RPS6KA2: variants seen among roughly 807,000 people sequenced by gnomAD.
RPS6KA2 encodes the protein ribosomal protein S6 kinase alpha-2.
RPS6KA2 carries 42 observed loss-of-function variants against 91.8 expected under a neutral mutation model. The observed-to-expected ratio is 0.46, with a 90% confidence interval of 0.36 to 0.59. The LOEUF (loss-of-function observed/expected upper bound fraction) is 0.59. Among genes scored for constraint, RPS6KA2 ranks in the 20% least tolerant of loss-of-function variants. The pLI is 0.00. For synonymous variants in RPS6KA2, 414 were observed against 393.6 expected, an observed-to-expected ratio of 1.05 and a Z score of -0.61; for missense variants, 798 against 978.5, an observed-to-expected ratio of 0.82 and a Z score of 2.46.
At chr6:166,714,719 C>T (rs191149371) in intron 2 of RPS6KA2, among the ~76,000 whole-genome samples, 1 of 152,254 alleles carries the variant, frequency 6.6e-6, no homozygotes, top group East Asian at 1.9e-4. Context: ...CCCTCCCCGC[C>T]TCAGCAGGAG....
At chr6:166,451,659 G>A (rs1355497433) in intron 12 of RPS6KA2, among the ~76,000 whole-genome samples, 1 of 152,170 alleles carries the variant, frequency 6.6e-6, no homozygotes, top group Non-Finnish European at 1.5e-5. Flanking sequence ...CTTAGCTTCT[G>A]GTCTCTAGGT....
rs1328172074 is a variant in RPS6KA2, at chr6:166,508,634, A to C, written c.380-352T>G. 2.0e-5 allele frequency among the ~76,000 whole-genome samples: 3 copies of C among 152,154 alleles called. No individual in the cohort carries two copies. Among genetic ancestry groups the C allele is most frequent in the African/African-American group, 7.2e-5 (3 of 41,418 alleles). Reference sequence around the variant, plus strand: ...TTGCTGGCTTTTGTCGTAATGCATTAGTGAGCAGCCTGAAGATGGCTCTGG... The same window carrying C: ...TTGCTGGCTTTTGTCGTAATGCATTCGTGAGCAGCCTGAAGATGGCTCTGG... On this transcript the variant is annotated intron_variant, in intron 4 of 20. Coordinates refer to ENST00000265678, the MANE Select transcript of RPS6KA2 (RefSeq NM_021135.6). The surrounding 1 kb of genome is among the most constrained non-coding windows in gnomAD (Gnocchi z 4.3).
At position 166,504,574 on chromosome 6, in the gene RPS6KA2, A is replaced by G. The variant is rs776051902; in HGVS notation, c.498T>C (p.Ala166=). The change falls in exon 6 of 21, where the codon GCT becomes GCC. Residue 166 remains alanine (A), a synonymous_variant. Transcript: ENST00000265678. ...GATGGTCTAAAGCCAAGGCCAGCTCAGCCAGGTAGAACTTGACATCCTCCT... is the reference window on the plus strand; with the variant it reads ...GATGGTCTAAAGCCAAGGCCAGCTCGGCCAGGTAGAACTTGACATCCTCCT... The part of the protein sequence containing the change: ...FTEEDVKFYL[A]ELALALDHLH... 6.2e-7 allele frequency: 1 copy of G among 1,614,000 alleles called. No homozygotes were observed. Among genetic ancestry groups the G allele is most frequent in the Non-Finnish European group, 8.5e-7 (1 of 1,179,900 alleles).
At chr6:166,735,492 A>G (rs985153165) in intron 2 of RPS6KA2, among the ~76,000 whole-genome samples, 1 of 152,150 alleles carries the variant, frequency 6.6e-6, no homozygotes, top group Non-Finnish European at 1.5e-5. Flanking sequence ...TCCTTATTAC[A>G]CTGTAATATA....
At chr6:166,507,881 C>T (rs1213353325) in intron 5 of RPS6KA2, among the ~76,000 whole-genome samples, 1 of 147,262 alleles carries the variant, frequency 6.8e-6, no homozygotes, top group Non-Finnish European at 1.5e-5. Flanking sequence ...ACACCACGCA[C>T]ACCCCCCCAC....
chr6:166,819,520 G>A (rs562399647), intron 2 of RPS6KA2, among the ~76,000 whole-genome samples: 93 of 152,290 alleles, frequency 6.1e-4, no homozygotes, highest in African/African-American at 1.9e-3. Flanking sequence ...CGCAAGTACC[G>A]TGTTTTCCAT....
At position 166,409,990 on chromosome 6, in the gene RPS6KA2, T is replaced by C. The variant is rs1778247221; in HGVS notation, c.*2772A>G. ...CTCACCTCTTGCCCATGTTTGACTT[T>C]GGGATGGAATTCAGCAAAGCTCTCC... On this transcript the variant is annotated 3_prime_UTR_variant, in exon 21 of 21. Coordinates refer to ENST00000265678, the MANE Select transcript of RPS6KA2 (RefSeq NM_021135.6). 6.6e-6 allele frequency: 1 copy of C among 152,194 alleles called. No individual in the cohort carries two copies. The highest frequency in any genetic ancestry group is 2.4e-5 in the African/African-American group (1 of 41,430). 9.4% of individuals were successfully genotyped at this position (152,194 alleles called of 1,614,324 possible).
intron 2 of RPS6KA2, among the ~76,000 whole-genome samples, chr6:166,801,860 A>G (rs1448210911): frequency 6.6e-6 from 1 of 152,210 alleles, no homozygotes; most frequent in African/African-American, 2.4e-5. Context: ...TGAATGGTTT[A>G]TAATTGACTA....
At chr6:166,436,775 C>T (rs571645324) in intron 14 of RPS6KA2, among the ~76,000 whole-genome samples, 2 of 152,228 alleles carry the variant, frequency 1.3e-5, no homozygotes, top group African/African-American at 2.4e-5. Flanking sequence ...GGAAGTCCCA[C>T]AGACTGGGGT....
At position 166,771,040 on chromosome 6, in the gene RPS6KA2, A is replaced by C. The variant is rs148864601; in HGVS notation, c.123+87160T>G. On this transcript the variant is annotated intron_variant, in intron 2 of 21. Transcript: ENST00000503859. Reference sequence around the variant, plus strand: ...TGTGAGCTTTTTGTTTCTAAACATTAATCTCCACATAATTTTAAGTAATTG... The same window carrying C: ...TGTGAGCTTTTTGTTTCTAAACATTCATCTCCACATAATTTTAAGTAATTG... 1.5e-3 allele frequency: 1,043 copies of C among 690,810 alleles called. 6 individuals carry two copies. The African/African-American group carries it at 0.017, about 11-fold the overall frequency. 42.8% of individuals were successfully genotyped at this position (690,810 alleles called of 1,614,324 possible).
intron 1 of RPS6KA2, among the ~76,000 whole-genome samples, chr6:166,542,735 G>A (rs1466152253): frequency 1.3e-5 from 2 of 152,170 alleles, no homozygotes; most frequent in Non-Finnish European, 2.9e-5. Flanking sequence ...AGATGAGGGC[G>A]GTTGGCCACT....
At position 166,490,829 on chromosome 6, in the gene RPS6KA2, C is replaced by A; in HGVS notation, c.748-88G>T. On this transcript the variant is annotated intron_variant, in intron 8 of 20. Coordinates refer to ENST00000265678, the MANE Select transcript of RPS6KA2 (RefSeq NM_021135.6). This position sits in a 1 kb window ranked among gnomAD's most constrained non-coding sequence, Gnocchi z 4.2. ...GTACCCCAGCAGGGCAGCCTGCTAC[C>A]GTGTCCATTTCCTCATGCAAAATCT... 1 of 934,750 alleles carries A rather than the reference C, an allele frequency of 1.1e-6. No individual in the cohort carries two copies. The highest frequency in any genetic ancestry group is 1.7e-6 in the Non-Finnish European group (1 of 593,770). 57.9% of individuals were successfully genotyped at this position (934,750 alleles called of 1,614,324 possible). A position where few individuals can be genotyped will look rare whatever the true frequency, so the allele number is the denominator to read the frequency against.
intron 2 of RPS6KA2, chr6:166,701,544 C>CT: frequency 6.9e-7 from 1 of 1,448,120 alleles, no homozygotes; most frequent in East Asian, 2.3e-5. Context: ...GAGAAAGCTG[C>CT]TTGATGTGCT....
At chr6:166,777,485 G>A (rs1778654518) in intron 2 of RPS6KA2, among the ~76,000 whole-genome samples, 1 of 152,150 alleles carries the variant, frequency 6.6e-6, no homozygotes, top group Non-Finnish European at 1.5e-5. Flanking sequence ...CCAGAACCCA[G>A]GCAGCGCCAC....
chr6:166,413,952 A>T, intron 19 of RPS6KA2, 21 bp from the exon 20 acceptor site: 1 of 1,610,704 alleles, frequency 6.2e-7, no homozygotes, highest in Non-Finnish European at 8.5e-7. Flanking sequence ...AGGTCATGAG[A>T]GTCGGGGGGA....
intron 2 of RPS6KA2, among the ~76,000 whole-genome samples, chr6:166,748,456 G>A (rs1180760875): frequency 2.6e-5 from 4 of 152,042 alleles, no homozygotes; most frequent in Non-Finnish European, 5.9e-5. Context: ...GAACTGCGCC[G>A]GGAAAGATGC....
chr6:166,664,352 C>T (rs778758561), intron 2 of RPS6KA2, among the ~76,000 whole-genome samples: 35 of 152,190 alleles, frequency 2.3e-4, no homozygotes, highest in Admixed American at 2.0e-3. Context: ...TTTAAGTTTC[C>T]GGGTGATAAC....
chr6:166,587,113 C>A (rs1373472030), intron 1 of RPS6KA2, among the ~76,000 whole-genome samples: 2 of 152,210 alleles, frequency 1.3e-5, no homozygotes, highest in Non-Finnish European at 2.9e-5. Flanking sequence ...GCAAAGTGGC[C>A]AGTCATCAGG....
intron 2 of RPS6KA2, among the ~76,000 whole-genome samples, chr6:166,661,929 C>T (rs1000774953): frequency 1.1e-4 from 17 of 152,144 alleles, no homozygotes; most frequent in Non-Finnish European, 2.2e-4. Flanking sequence ...TGTATTGAAT[C>T]GTACATATCT....
Sources: gnomAD v4.1 joint callset for allele counts (sites outside exome capture counted in the v4.1 genomes callset) on GRCh38, gnomAD v4.1.1 for gene constraint, Gnocchi (gnomAD v3.1) non-coding constraint, MANE v1.5 for transcripts, NCBI Gene and HGNC (gene_info 2026-07-23, HGNC 2026-07-21) for gene names.